FSIP1: variants seen among roughly 807,000 people sequenced by gnomAD.
The protein encoded by FSIP1 is fibrous sheath-interacting protein 1.
In FSIP1, 65 loss-of-function variants were observed where a neutral mutation model predicts 60.9. The ratio of observed to expected loss-of-function variants is 1.07; its 90% CI spans 0.87 to 1.31. FSIP1 has a LOEUF of 1.31. FSIP1 is among the 40% of genes most tolerant of loss of function. The pLI is 0.00. For synonymous variants in FSIP1, 209 were observed against 221.2 expected, an observed-to-expected ratio of 0.94 and a Z score of 0.49; for missense variants, 675 against 665.5, an observed-to-expected ratio of 1.01 and a Z score of -0.16.
At chr15:39,722,021 G>A (rs1159285679) in intron 9 of FSIP1, among the ~76,000 whole-genome samples, 2 of 152,082 alleles carry the variant, frequency 1.3e-5, no homozygotes, top group Admixed American at 6.6e-5. Flanking sequence ...TAGGAACCGG[G>A]CCCCAGAGCA....
chr15:39,607,058 G>A (rs902879114), intron 11 of FSIP1, among the ~76,000 whole-genome samples: 2 of 152,170 alleles, frequency 1.3e-5, no homozygotes, highest in Non-Finnish European at 2.9e-5. Context: ...GGAACTTGCA[G>A]TGGAAGCATC....
chr15:39,645,148 G>C (rs1892538266), intron 10 of FSIP1, among the ~76,000 whole-genome samples: 1 of 152,226 alleles, frequency 6.6e-6, no homozygotes. Context: ...GTATTGATGA[G>C]GGCATGGAGA....
chr15:39,615,359 C>T (rs994352259), intron 11 of FSIP1, among the ~76,000 whole-genome samples: 1 of 136,352 alleles, frequency 7.3e-6, no homozygotes, highest in Non-Finnish European at 1.6e-5. Flanking sequence ...TCAAACTACA[C>T]ATCTGATAAG....
intron 10 of FSIP1, among the ~76,000 whole-genome samples, chr15:39,635,928 A>T (rs997190411): frequency 1.3e-5 from 2 of 150,492 alleles, no homozygotes; most frequent in Non-Finnish European, 3.0e-5. Context: ...GAACAGCCAA[A>T]TTTTTTTTTT....
intron 10 of FSIP1, among the ~76,000 whole-genome samples, chr15:39,640,996 A>G (rs564533722): frequency 1.2e-4 from 19 of 152,302 alleles, no homozygotes; most frequent in Admixed American, 3.3e-4. Flanking sequence ...AAAAGTACAG[A>G]GTCCTTCTCA....
At chr15:39,762,626 G>A (rs989239678) in intron 5 of FSIP1, among the ~76,000 whole-genome samples, 1 of 152,210 alleles carries the variant, frequency 6.6e-6, no homozygotes, top group Non-Finnish European at 1.5e-5. Context: ...CAGCATGGCA[G>A]CCTTGGGTAA....
chr15:39,762,299 C>G (rs1233537822), intron 5 of FSIP1, among the ~76,000 whole-genome samples: 1 of 152,170 alleles, frequency 6.6e-6, no homozygotes, highest in Admixed American at 6.5e-5. Flanking sequence ...CTTGGGTCTT[C>G]CTAGCTTCTT....
At chr15:39,683,231 C>T (rs991270287) in intron 10 of FSIP1, among the ~76,000 whole-genome samples, 2 of 152,102 alleles carry the variant, frequency 1.3e-5, no homozygotes, top group Admixed American at 6.5e-5. Context: ...AAACTTGATA[C>T]AAACCATGAC....
intron 5 of FSIP1, 131 bp from the exon 6 acceptor site, chr15:39,742,031 T>C: frequency 1.8e-6 from 1 of 554,264 alleles, no homozygotes; most frequent in Admixed American, 3.0e-5. Flanking sequence ...CACATAAATT[T>C]CTTAAGACAA....
At chr15:39,728,003 G>A (rs1896263012) in intron 8 of FSIP1, among the ~76,000 whole-genome samples, 1 of 152,112 alleles carries the variant, frequency 6.6e-6, no homozygotes, top group Admixed American at 6.5e-5. Flanking sequence ...CACCCAAGCT[G>A]AGAGCCAAAT....
intron 10 of FSIP1, among the ~76,000 whole-genome samples, chr15:39,668,401 T>C (rs1221640330): frequency 1.3e-5 from 2 of 152,128 alleles, no homozygotes; most frequent in East Asian, 1.9e-4. Context: ...TCTTAATATG[T>C]CGACACTAAA....
chr15:39,759,298 G>C (rs974485580), intron 5 of FSIP1, among the ~76,000 whole-genome samples: 1 of 151,962 alleles, frequency 6.6e-6, no homozygotes, highest in Non-Finnish European at 1.5e-5. Context: ...CTTTATAAAA[G>C]AGACTAAGAC....
chr15:39,607,064 G>C (rs1420281451), intron 11 of FSIP1, among the ~76,000 whole-genome samples: 1 of 152,174 alleles, frequency 6.6e-6, no homozygotes, highest in African/African-American at 2.4e-5. Flanking sequence ...TGCAGTGGAA[G>C]CATCCTGGCC....
chr15:39,619,149 C>T (rs542088021), intron 10 of FSIP1, among the ~76,000 whole-genome samples: 3 of 152,018 alleles, frequency 2.0e-5, no homozygotes, highest in Non-Finnish European at 4.4e-5. Flanking sequence ...TCTGAAGGTA[C>T]ATAGTAAAAA....
intron 5 of FSIP1, among the ~76,000 whole-genome samples, chr15:39,761,764 A>AT (rs1236360897): frequency 6.6e-6 from 1 of 152,260 alleles, no homozygotes; most frequent in Non-Finnish European, 1.5e-5. Context: ...GAGGTGATGG[A>AT]TAGGCGAATT....
At chr15:39,764,566 A>C (rs1595398541) in intron 4 of FSIP1, among the ~76,000 whole-genome samples, 1 of 152,384 alleles carries the variant, frequency 6.6e-6, no homozygotes, top group East Asian at 1.9e-4. Context: ...CCTTACCTTA[A>C]AGGTGCTTTC....
At chr15:39,629,468 A>G (rs1891789380) in intron 10 of FSIP1, among the ~76,000 whole-genome samples, 1 of 152,204 alleles carries the variant, frequency 6.6e-6, no homozygotes, top group Non-Finnish European at 1.5e-5. Flanking sequence ...CGCAGGGCTG[A>G]AGCTAAGCCA....
intron 5 of FSIP1, among the ~76,000 whole-genome samples, chr15:39,749,275 A>AAAAAAAAAAAAAC (rs1566912727): frequency 6.6e-6 from 1 of 150,970 alleles, no homozygotes; most frequent in African/African-American, 2.4e-5. Flanking sequence ...AAAAAAAAAA[A>AAAAAAAAAAAAAC]ACCAGGCTAG....
intron 10 of FSIP1, among the ~76,000 whole-genome samples, chr15:39,688,408 C>T (rs889962926): frequency 4.6e-5 from 7 of 152,142 alleles, no homozygotes; most frequent in Non-Finnish European, 1.0e-4. Flanking sequence ...AACACAAAGC[C>T]TATTTTATAA....
Sources: gnomAD v4.1 joint callset for allele counts (sites outside exome capture counted in the v4.1 genomes callset) on GRCh38, gnomAD v4.1.1 for gene constraint, MANE v1.5 for transcripts, NCBI Gene and HGNC (gene_info 2026-07-23, HGNC 2026-07-21) for gene names.